The following PAX5 variants were observed in gnomAD, a reference collection of about 807,000 sequenced individuals.
PAX5 encodes paired box 5, also known as paired box protein Pax-5.
In PAX5, 9 loss-of-function variants were observed where a neutral mutation model predicts 43.7. The observed-to-expected ratio is 0.21, with a 90% CI of 0.12 to 0.36. The LOEUF is 0.36. Ranked by LOEUF, PAX5 falls within the 10% of genes least tolerant of loss-of-function variation. The probability of loss-of-function intolerance (pLI) is 1.00; values close to 1 mark genes in which losing one functional copy is unlikely to be tolerated. For synonymous variants in PAX5, 228 were observed against 214.3 expected (o/e 1.06, Z -0.56); for missense variants, 383 against 532.7 (o/e 0.72, Z 2.77).
chr9:36,868,938 G>T (rs12342243), intron 8 of PAX5, among the ~76,000 whole-genome samples: 4,938 of 152,290 alleles, frequency 0.032, 249 homozygotes, highest in African/African-American at 0.11. Context: ...CATGCAGGTT[G>T]GGGGTGGGGA....
In PAX5 at chr9:36,944,777, G is replaced by A. The variant is rs532615785; in HGVS notation, c.781-21293C>T. On this transcript the variant is annotated intron_variant, in intron 6 of 9. Transcript: ENST00000358127. ...GTATAACTCTAAGGGGACCACACTG[G>A]TGGGGCAGTTACCCAATTGAATGGC... Among the ~76,000 whole-genome samples, 224 of 152,352 alleles carry A rather than the reference G, an allele frequency of 1.5e-3. 1 individual carries two copies. Among genetic ancestry groups the A allele is most frequent in the African/African-American group, 5.2e-3 (217 of 41,574 alleles).
intron 6 of PAX5, among the ~76,000 whole-genome samples, chr9:36,948,376 T>A (rs924870115): frequency 1.1e-4 from 17 of 152,136 alleles, no homozygotes; most frequent in Admixed American, 4.6e-4. Context: ...CTTAGAAGTA[T>A]CACAGTCTGG....
At chr9:36,953,650 T>G (rs1482675430) in intron 6 of PAX5, among the ~76,000 whole-genome samples, 1 of 152,250 alleles carries the variant, frequency 6.6e-6, no homozygotes, top group African/African-American at 2.4e-5. Context: ...TTTCTGTTAC[T>G]GTGTTTTTTA....
chr9:36,865,325 C>T (rs1824763946), intron 8 of PAX5, among the ~76,000 whole-genome samples: 1 of 152,192 alleles, frequency 6.6e-6, no homozygotes, highest in Admixed American at 6.5e-5. Context: ...CTCTGCCTAG[C>T]CCCTGGGCCT....
intron 8 of PAX5, among the ~76,000 whole-genome samples, chr9:36,869,446 G>A (rs1825209467): frequency 6.6e-6 from 1 of 152,212 alleles, no homozygotes; most frequent in Non-Finnish European, 1.5e-5. Flanking sequence ...CAGCACCAGG[G>A]ATGTCTTGGA....
chr9:36,843,680 T>C (rs10814460), intron 9 of PAX5, among the ~76,000 whole-genome samples: 144,036 of 152,304 alleles, frequency 0.95, 68,635 homozygotes, highest in East Asian at 1. Flanking sequence ...AACTCATCCT[T>C]CCAGCTTCCC....
chr9:37,005,192 G>T lies in PAX5; in HGVS notation c.475+1281C>A, dbSNP rs75126424. 4.4e-3 allele frequency among the ~76,000 whole-genome samples: 675 copies of T among 152,284 alleles called. 3 individuals are homozygous for T. The highest frequency in any genetic ancestry group is 7.1e-3 in the Non-Finnish European group (486 of 68,028). On this transcript the variant is annotated intron_variant, in intron 4 of 9. Coordinates refer to ENST00000358127, the MANE Select transcript of PAX5 (RefSeq NM_016734.3). ...TCACCCTAGCCCAGCAGAGCTGGTG[G>T]TTCCTTTCCTTCTGCCCCCACAGCA...
At chr9:36,899,175 C>T (rs1053737348) in intron 7 of PAX5, among the ~76,000 whole-genome samples, 14 of 152,312 alleles carry the variant, frequency 9.2e-5, no homozygotes, top group Admixed American at 2.6e-4. Flanking sequence ...TCCTGGCAGG[C>T]GCCAGGCAAA....
At chr9:36,971,548 G>C (rs1834926271) in intron 5 of PAX5, among the ~76,000 whole-genome samples, 1 of 152,188 alleles carries the variant, frequency 6.6e-6, no homozygotes, top group South Asian at 2.1e-4. Context: ...AACTCACAAA[G>C]TGAATGGTAT....
chr9:37,017,754 A>G (rs1168112405), intron 2 of PAX5, among the ~76,000 whole-genome samples: 1 of 152,276 alleles, frequency 6.6e-6, no homozygotes, highest in Non-Finnish European at 1.5e-5. Flanking sequence ...CCACCTGAGC[A>G]GTGCCAACTG....
chr9:36,961,745 C>T lies in PAX5; in HGVS notation c.780+4804G>A, dbSNP rs111656076. ...GGACCCGCTCCCAACAGGAGCGCTGCGCCGACGACAACGTCAACGGGAGTT... is the reference window on the plus strand; with the variant it reads ...GGACCCGCTCCCAACAGGAGCGCTGTGCCGACGACAACGTCAACGGGAGTT... On this transcript the variant is annotated intron_variant, in intron 6 of 9. Transcript: ENST00000358127. 7.4e-4 allele frequency among the ~76,000 whole-genome samples: 113 copies of T among 152,266 alleles called. No homozygotes were observed. In the Middle Eastern group the frequency reaches 0.014, roughly 18 times the overall value.
At chr9:36,847,166 G>T (rs1425918426) in intron 8 of PAX5, among the ~76,000 whole-genome samples, 1 of 152,190 alleles carries the variant, frequency 6.6e-6, no homozygotes, top group East Asian at 1.9e-4. Context: ...ACTCTCACAT[G>T]TGTACCATGG....
chr9:37,017,224 A>C (rs1463135744), intron 2 of PAX5, among the ~76,000 whole-genome samples: 4 of 152,220 alleles, frequency 2.6e-5, no homozygotes, highest in African/African-American at 9.7e-5. Context: ...AAGTTTACAG[A>C]GCTCTTCCTC....
chr9:36,910,564 G>A (rs1395798802), intron 7 of PAX5, among the ~76,000 whole-genome samples: 1 of 152,130 alleles, frequency 6.6e-6, no homozygotes, highest in African/African-American at 2.4e-5. Context: ...GGACCTCGGG[G>A]GCACACGCCA....
intron 3 of PAX5, among the ~76,000 whole-genome samples, chr9:37,011,203 G>C (rs1838904143): frequency 6.6e-6 from 1 of 151,036 alleles, no homozygotes; most frequent in East Asian, 1.9e-4. Context: ...TTAGAATTAA[G>C]AGCAGAACTA....
At chr9:36,850,115 C>T (rs912677807) in intron 8 of PAX5, among the ~76,000 whole-genome samples, 6 of 152,166 alleles carry the variant, frequency 3.9e-5, no homozygotes, top group Admixed American at 2.0e-4. Context: ...AGCAAAGGCC[C>T]GGCAGTGGGG....
chr9:36,857,087 G>A (rs751074644), intron 8 of PAX5, among the ~76,000 whole-genome samples: 1 of 152,178 alleles, frequency 6.6e-6, no homozygotes, highest in Non-Finnish European at 1.5e-5. Flanking sequence ...AACTCACTAG[G>A]TTCTCGTGTG....
At chr9:37,012,931 G>A (rs1316752898) in intron 3 of PAX5, among the ~76,000 whole-genome samples, 1 of 152,044 alleles carries the variant, frequency 6.6e-6, no homozygotes, top group East Asian at 1.9e-4. Context: ...ATTTTTAATT[G>A]AAATTAGTTG....
At chr9:36,846,576 G>A (rs1333790500) in intron 9 of PAX5, among the ~76,000 whole-genome samples, 1 of 152,106 alleles carries the variant, frequency 6.6e-6, no homozygotes, top group Non-Finnish European at 1.5e-5. Context: ...CTCCTTCAAT[G>A]CCCCTTTTTT....
Sources: gnomAD v4.1 joint callset for allele counts (sites outside exome capture counted in the v4.1 genomes callset) on GRCh38, gnomAD v4.1.1 for gene constraint, MANE v1.5 for transcripts, NCBI Gene and HGNC (gene_info 2026-07-23, HGNC 2026-07-21) for gene names.